IL17RA: variants seen among roughly 807,000 people sequenced by gnomAD.
IL17RA encodes interleukin 17 receptor A, also known as interleukin-17 receptor A.
Under a neutral mutation model 50.4 loss-of-function variants are expected in IL17RA, and 34 were observed. The observed-to-expected ratio is 0.67, with a 90% CI of 0.51 to 0.90. IL17RA has a LOEUF of 0.90. IL17RA is among the 40% of genes least tolerant of loss of function. IL17RA has a pLI of 0.00. For missense variants in IL17RA, 1,276 were observed against 1,169.8 expected (o/e 1.09, Z -1.32); for synonymous variants, 585 against 510.4 (o/e 1.15, Z -1.97).
chr22:17,103,530 A>C lies in IL17RA; in HGVS notation c.799A>C (p.Thr267Pro), dbSNP rs1165040238. The change falls in exon 8 of 13, where the codon ACA becomes CCA. Residue 267 changes from threonine (T) to proline (P), a missense_variant. Transcript: ENST00000319363. The part of the protein sequence containing the change: ...PEEFHQRSNV[T>P]LTLRNLKGCC... ...AGAGTTCCACCAGCGATCCAACGTC[A>C]CACTCACTCTACGCAACCTTAAAGG... 6.2e-7 allele frequency: 1 copy of C among 1,613,896 alleles called. No individual in the cohort carries two copies. Among genetic ancestry groups the C allele is most frequent in the Non-Finnish European group, 8.5e-7 (1 of 1,179,950 alleles).
rs530501268 is a variant in IL17RA, at chr22:17,098,978, G to A, written c.423+91G>A. On this transcript the variant is annotated intron_variant, in intron 4 of 12. Transcript: ENST00000319363. ...AAATTCAGACCCTGATTTAGAGTGG[G>A]GGAGACCCAGAGGTGCTGAGGGAGT... The A allele has an allele frequency of 1.3e-5, 14 of 1,050,468 alleles. 1 individual carries two copies. The South Asian group carries it at 1.5e-4, about 12-fold the overall frequency. 65.1% of individuals were successfully genotyped at this position (1,050,468 alleles called of 1,614,324 possible). A position where few individuals can be genotyped will look rare whatever the true frequency, so the allele number is the denominator to read the frequency against.
At chr22:17,100,606 C>T in intron 5 of IL17RA, 125 bp downstream of exon 5, 1 of 1,272,228 alleles carries the variant, frequency 7.9e-7, no homozygotes. Context: ...ACCTGGGACC[C>T]ACAGAACAAA....
chr22:17,101,927 T>C lies in IL17RA; in HGVS notation c.551-69T>C. Reference sequence around the variant, plus strand: ...GGGGAAAAGATTGTTGTTCTTGGTGTCAGGAGTCTGGAAGAACAGATTTCT... The same window carrying C: ...GGGGAAAAGATTGTTGTTCTTGGTGCCAGGAGTCTGGAAGAACAGATTTCT... On this transcript the variant is annotated intron_variant, in intron 5 of 12. Transcript: ENST00000319363. The C allele has an allele frequency of 3.8e-6, 6 of 1,583,120 alleles. No homozygotes were observed. The South Asian group carries it at 6.6e-5, about 18-fold the overall frequency.
intron 11 of IL17RA, 64 bp downstream of exon 11, chr22:17,106,018 C>A: frequency 1.6e-6 from 2 of 1,238,284 alleles, no homozygotes; most frequent in Non-Finnish European, 2.4e-6. Context: ...CACTCACTAC[C>A]AAGGCAAATC....
intron 1 of IL17RA, among the ~76,000 whole-genome samples, chr22:17,092,457 C>T (rs1454149589): frequency 6.6e-6 from 1 of 152,078 alleles, no homozygotes; most frequent in African/African-American, 2.4e-5. Context: ...AGGGGGTGGG[C>T]GGTCTTGGGG....
chr22:17,109,828 T>A lies in IL17RA; in HGVS notation c.*8T>A. 6.5e-7 allele frequency: 1 copy of A among 1,548,280 alleles called. No homozygotes were observed. Among genetic ancestry groups the A allele is most frequent in the South Asian group, 1.2e-5 (1 of 84,054 alleles). On this transcript the variant is annotated 3_prime_UTR_variant, in exon 13 of 13. Coordinates refer to ENST00000319363, the MANE Select transcript of IL17RA (RefSeq NM_014339.7). ...GAGGGGCCCAGTGCATGAGGGCGGC[T>A]CCCCAGGGACCGCCCAGATCCCAGC... is the stretch of plus-strand genomic sequence containing the variant.
chr22:17,098,931 C>G, intron 4 of IL17RA, 44 bp downstream of exon 4: 10 of 1,455,976 alleles, frequency 6.9e-6, no homozygotes, highest in Non-Finnish European at 9.7e-6. Flanking sequence ...ACTGATGACA[C>G]CAGTACAGAC....
At chr22:17,097,584 A>C in intron 2 of IL17RA, 1 of 605,138 alleles carries the variant, frequency 1.7e-6, no homozygotes, top group Non-Finnish European at 2.9e-6. Flanking sequence ...TTCTCTCCTA[A>C]AATTCCCTTT....
At chr22:17,106,040 A>C in intron 11 of IL17RA, 86 bp downstream of exon 11, 6 of 1,011,684 alleles carry the variant, frequency 5.9e-6, no homozygotes, top group South Asian at 1.3e-5. Flanking sequence ...CTTTATTCTC[A>C]GAGCCTCAGC....
rs2061321332 is a variant in IL17RA at position 17,085,130 on chromosome 22, G to A, written c.39G>A (p.Gly13=). 1 of 1,465,916 alleles carries A rather than the reference G, an allele frequency of 6.8e-7. No individual in the cohort carries two copies. The allele number at this position is 1,465,916 out of a possible 1,614,324, so 90.8% of individuals were successfully genotyped here. A position where few individuals can be genotyped will look rare whatever the true frequency, so the allele number is the denominator to read the frequency against. Residue 13 remains glycine, a synonymous_variant, in exon 1 of 13, where the codon GGG becomes GGA. Coordinates refer to ENST00000319363, the MANE Select transcript of IL17RA (RefSeq NM_014339.7). Reference sequence around the variant, plus strand: ...GCAGCCCGCCGTCCGCTGTCCCGGGGCCCCTGCTGGGGCTGCTCCTGCTGC... The same window carrying A: ...GCAGCCCGCCGTCCGCTGTCCCGGGACCCCTGCTGGGGCTGCTCCTGCTGC... The part of the protein sequence containing the change: ...AARSPPSAVP[G]PLLGLLLLLL...
intron 1 of IL17RA, among the ~76,000 whole-genome samples, chr22:17,086,841 G>T (rs1221301618): frequency 6.6e-6 from 1 of 152,238 alleles, no homozygotes; most frequent in Non-Finnish European, 1.5e-5. Context: ...AGGGTACGGT[G>T]TGTGGCCGGA....
At chr22:17,094,652 ACACACTCTCTCTCTCTCTCTCTCTCT>A (rs1568917330) in intron 1 of IL17RA, among the ~76,000 whole-genome samples, 285 of 17,498 alleles carry the variant, frequency 0.016, 11 homozygotes, top group Middle Eastern at 0.071. Flanking sequence ...TTAGTCATAC[ACACACTCTCTCTCTCTCTCTCTCTCT>A]CTCTCTCTCT....
At chr22:17,108,252 A>C in intron 12 of IL17RA, 55 bp from the exon 13 acceptor site, 1 of 1,578,108 alleles carries the variant, frequency 6.3e-7, no homozygotes, top group Non-Finnish European at 8.7e-7. Context: ...TGGCAGGCAC[A>C]GAGCTGCCCT....
At chr22:17,094,677 C>CTATATATATATGTGTATA (rs1568917424) in intron 1 of IL17RA, among the ~76,000 whole-genome samples, 18 of 49,342 alleles carry the variant, frequency 3.6e-4, no homozygotes, top group African/African-American at 1.3e-3. Context: ...CTCTCTCTCT[C>CTATATATATATGTGTATA]TCTCTCTCTC....
Position 17,108,230 on chromosome 22 carries a change from C to G in IL17RA, c.1088-77C>G, listed in dbSNP as rs1435574397. 112 of 1,455,474 alleles carry G rather than the reference C, an allele frequency of 7.7e-5. No homozygotes were observed. In the Middle Eastern group the frequency reaches 6.1e-3, roughly 79 times the overall value. The allele number at this position is 1,455,474 out of a possible 1,614,324, so 90.2% of individuals were successfully genotyped here. A position where few individuals can be genotyped will look rare whatever the true frequency, so the allele number is the denominator to read the frequency against. ...GCCAAGCTCTGTGTCCTGGTCCAGG[C>G]CCCTCCTGGGCTGGCAGGCACAGAG... On this transcript the variant is annotated intron_variant, in intron 12 of 12. Coordinates refer to ENST00000319363, the MANE Select transcript of IL17RA (RefSeq NM_014339.7).
chr22:17,103,651 T>C (rs1340453304), intron 8 of IL17RA, 74 bp downstream of exon 8: 21 of 1,153,630 alleles, frequency 1.8e-5, no homozygotes, highest in Non-Finnish European at 2.3e-5. Context: ...GAGTGAGGAG[T>C]GTGCACAGGT....
intron 1 of IL17RA, among the ~76,000 whole-genome samples, chr22:17,089,085 T>C (rs1451290174): frequency 6.6e-6 from 1 of 151,950 alleles, no homozygotes; most frequent in Non-Finnish European, 1.5e-5. Context: ...CGTGAGCCAA[T>C]GCGCCTGGCC....
intron 5 of IL17RA, among the ~76,000 whole-genome samples, chr22:17,100,938 G>A (rs2061388875): frequency 1.3e-5 from 2 of 152,108 alleles, no homozygotes; most frequent in African/African-American, 4.8e-5. Context: ...TACTCCCCAT[G>A]CCTATCCACA....
intron 1 of IL17RA, 53 bp from the exon 2 acceptor site, chr22:17,097,009 A>G: frequency 1.9e-6 from 3 of 1,541,984 alleles, no homozygotes; most frequent in South Asian, 1.1e-5. Context: ...TGGCCCTGGC[A>G]TGTGAATTCA....
Sources: allele counts gnomAD v4.1 joint callset (sites outside exome capture counted in the v4.1 genomes callset), GRCh38; gene constraint gnomAD v4.1.1; transcripts MANE v1.5; gene names NCBI Gene and HGNC (gene_info 2026-07-23, HGNC 2026-07-21).